MCTP1: variants seen among roughly 807,000 people sequenced by gnomAD.
MCTP1 encodes multiple C2 and transmembrane domain containing 1.
MCTP1 carries 69 observed loss-of-function variants against 120.6 expected under a neutral mutation model. That is an observed-to-expected ratio of 0.57 (90% CI 0.47 to 0.70). The LOEUF (loss-of-function observed/expected upper bound fraction) is 0.70. Among genes scored for constraint, MCTP1 ranks in the 30% least tolerant of loss-of-function variants. The probability of loss-of-function intolerance (pLI) is 0.00; values close to 1 mark genes in which losing one functional copy is unlikely to be tolerated. For missense variants in MCTP1, 1,203 were observed against 1,248.8 expected (o/e 0.96, Z 0.55); for synonymous variants, 529 against 493.1 (o/e 1.07, Z -0.96).
At chr5:95,051,957 A>C (rs1330125118) in intron 1 of MCTP1, among the ~76,000 whole-genome samples, 1 of 152,102 alleles carries the variant, frequency 6.6e-6, no homozygotes, top group Admixed American at 6.6e-5. Flanking sequence ...GGGGTCACAA[A>C]ATAATCTGTA....
At chr5:94,818,393 G>A (rs1165839726) in intron 17 of MCTP1, among the ~76,000 whole-genome samples, 1 of 152,194 alleles carries the variant, frequency 6.6e-6, no homozygotes, top group African/African-American at 2.4e-5. Flanking sequence ...ATCTCTGGCA[G>A]TAGGGCCTGG....
At position 94,707,524 on chromosome 5, in the gene MCTP1, T is replaced by C. The variant is rs143384257; in HGVS notation, c.2972A>G (p.Tyr991Cys). The C allele has an allele frequency of 9.3e-6, 15 of 1,611,840 alleles. No individual in the cohort carries two copies. In the African/African-American group the frequency reaches 2.0e-4, roughly 22 times the overall value. The change falls in exon 23 of 23, where the codon TAT becomes TGT. Residue 991 changes from tyrosine (Y) to cysteine (C), a missense_variant. Around this residue, in one of 2 missense-constraint regions of MCTP1, gnomAD observed 740 missense variants for 871.1 expected, o/e 0.85. Coordinates refer to ENST00000515393, the MANE Select transcript of MCTP1 (RefSeq NM_024717.7). Reference sequence around the variant, plus strand: ...GCCAAGATTGTTTTTCTTTCTTTTATATGGGCTATGAGAAGGATCTGGTTT... The same window carrying C: ...GCCAAGATTGTTTTTCTTTCTTTTACATGGGCTATGAGAAGGATCTGGTTT... Reference protein sequence around the residue: ...ELKPDPSHSPYKRKKNNLG With the variant: ...ELKPDPSHSPCKRKKNNLG
At chr5:95,214,609 C>T (rs1752818356) in intron 1 of MCTP1, among the ~76,000 whole-genome samples, 1 of 152,042 alleles carries the variant, frequency 6.6e-6, no homozygotes, top group African/African-American at 2.4e-5. Flanking sequence ...AGACTTGGAA[C>T]CACTCCAAAT....
chr5:95,254,852 C>T (rs1434793899), intron 1 of MCTP1, among the ~76,000 whole-genome samples: 3 of 152,082 alleles, frequency 2.0e-5, no homozygotes, highest in Middle Eastern at 3.2e-3. Context: ...CATTGTTATA[C>T]TAATTTGTAT....
chr5:94,826,436 T>A, intron 17 of MCTP1: 1 of 670,752 alleles, frequency 1.5e-6, no homozygotes, highest in Non-Finnish European at 2.8e-6. Flanking sequence ...AATGCCAATT[T>A]GGGTTCTTCA....
chr5:94,941,684 A>G (rs1250603559), intron 4 of MCTP1, among the ~76,000 whole-genome samples: 2 of 151,946 alleles, frequency 1.3e-5, no homozygotes, highest in Non-Finnish European at 2.9e-5. Context: ...TTCTAATGGT[A>G]TTTTTTTATT....
At chr5:95,219,402 C>A (rs1054037595) in intron 1 of MCTP1, among the ~76,000 whole-genome samples, 8 of 150,564 alleles carry the variant, frequency 5.3e-5, no homozygotes, top group Non-Finnish European at 1.2e-4. Context: ...AAAAAAAATC[C>A]TTTTAAAATA....
intron 17 of MCTP1, among the ~76,000 whole-genome samples, chr5:94,862,639 G>C (rs766688746): frequency 2.6e-5 from 4 of 151,754 alleles, no homozygotes; most frequent in Admixed American, 6.6e-5. Flanking sequence ...GACCAAACCT[G>C]AAACCCAGCT....
At chr5:94,962,721 G>C (rs1280973020) in intron 2 of MCTP1, among the ~76,000 whole-genome samples, 1 of 151,984 alleles carries the variant, frequency 6.6e-6, no homozygotes, top group African/African-American at 2.4e-5. Context: ...GACTCAGGGG[G>C]AAAGGCTGGG....
At position 94,954,093 on chromosome 5, in the gene MCTP1, CATATATATACATATATATGA is replaced by C. The variant is rs1291394969; in HGVS notation, c.839-752_839-733del. On this transcript the variant is annotated intron_variant, in intron 2 of 22. Coordinates refer to ENST00000515393, the MANE Select transcript of MCTP1 (RefSeq NM_024717.7). Reference sequence around the variant, plus strand: ...GCATATATATACAAATATATATGTGCATATATATACATATATATGAATATATATACAAATATATATATGCA... The same window carrying C: ...GCATATATATACAAATATATATGTGCATATATATACAAATATATATATGCA... 2.4e-4 allele frequency among the ~76,000 whole-genome samples: 21 copies of C among 87,514 alleles called. 3 individuals are homozygous for C. Among genetic ancestry groups the C allele is most frequent in the African/African-American group, 8.9e-4 (18 of 20,146 alleles). 57.4% of individuals were successfully genotyped at this position (87,514 alleles called of 152,430 possible). A position where few individuals can be genotyped will look rare whatever the true frequency, so the allele number is the denominator to read the frequency against.
intron 1 of MCTP1, among the ~76,000 whole-genome samples, chr5:95,131,916 G>C (rs749932391): frequency 6.6e-6 from 1 of 152,058 alleles, no homozygotes; most frequent in Non-Finnish European, 1.5e-5. Flanking sequence ...GGGACTCTAG[G>C]CTTATTCCAA....
At chr5:95,121,585 A>G (rs140668054) in intron 1 of MCTP1, among the ~76,000 whole-genome samples, 2 of 152,132 alleles carry the variant, frequency 1.3e-5, no homozygotes, top group East Asian at 3.9e-4. Flanking sequence ...AAAGCAATCT[A>G]TACATTTAAT....
At chr5:95,026,254 G>A (rs1839237546) in intron 1 of MCTP1, among the ~76,000 whole-genome samples, 1 of 151,810 alleles carries the variant, frequency 6.6e-6, no homozygotes, top group African/African-American at 2.4e-5. Flanking sequence ...CAGGTTAAAT[G>A]GGATACTCAT....
intron 1 of MCTP1, among the ~76,000 whole-genome samples, chr5:95,044,843 C>T (rs1008342332): frequency 6.6e-6 from 1 of 151,998 alleles, no homozygotes; most frequent in Admixed American, 6.6e-5. Flanking sequence ...CCCCCGTCAT[C>T]CCTAACGTGA....
chr5:95,211,696 A>T (rs916755546), intron 1 of MCTP1, among the ~76,000 whole-genome samples: 3 of 152,210 alleles, frequency 2.0e-5, no homozygotes, highest in African/African-American at 7.2e-5. Context: ...TTCTCCGTCC[A>T]GCTTTGTCCC....
intron 1 of MCTP1, among the ~76,000 whole-genome samples, chr5:95,178,897 C>T (rs1388491557): frequency 6.6e-6 from 1 of 151,986 alleles, no homozygotes; most frequent in Non-Finnish European, 1.5e-5. Flanking sequence ...ACTAGAGAAA[C>T]GTGAACTCCA....
chr5:94,870,026 G>C (rs1797532163), intron 16 of MCTP1, among the ~76,000 whole-genome samples: 1 of 152,012 alleles, frequency 6.6e-6, no homozygotes, highest in Non-Finnish European at 1.5e-5. Context: ...TCATACCTGT[G>C]GGTGGTCTGG....
intron 1 of MCTP1, among the ~76,000 whole-genome samples, chr5:95,148,831 T>C (rs946600782): frequency 6.6e-6 from 1 of 152,176 alleles, no homozygotes; most frequent in African/African-American, 2.4e-5. Flanking sequence ...TTAACTGTGA[T>C]GTAAGATGAG....
At chr5:94,743,586 A>G (rs1318689443) in intron 19 of MCTP1, among the ~76,000 whole-genome samples, 1 of 151,368 alleles carries the variant, frequency 6.6e-6, no homozygotes, top group African/African-American at 2.4e-5. Flanking sequence ...TCCAGGCCCA[A>G]TGTTGCCAGA....
Sources: allele counts gnomAD v4.1 joint callset (sites outside exome capture counted in the v4.1 genomes callset), GRCh38; gene constraint gnomAD v4.1.1; regional missense constraint gnomAD v4.1.1; transcripts MANE v1.5; gene names NCBI Gene and HGNC (gene_info 2026-07-23, HGNC 2026-07-21).